PCDHGB4: variants seen among roughly 807,000 people sequenced by gnomAD.
PCDHGB4 encodes the protein protocadherin gamma subfamily B, 4.
In PCDHGB4, 38 loss-of-function variants were observed where a neutral mutation model predicts 60.5. The ratio of observed to expected loss-of-function variants is 0.63; its 90% confidence interval spans 0.48 to 0.82. PCDHGB4 has a LOEUF of 0.82. Among genes scored for constraint, PCDHGB4 ranks in the 40% least tolerant of loss-of-function variants. The probability of loss-of-function intolerance (pLI) is 0.00; values close to 1 mark genes in which losing one functional copy is unlikely to be tolerated. For missense variants in PCDHGB4, 1,109 were observed against 1,209.6 expected (o/e 0.92, Z 1.23); for synonymous variants, 456 against 509.7 (o/e 0.89, Z 1.42).
chr5:141,390,746 T>C (rs1391007986), intron 1 of PCDHGB4: 1 of 172,782 alleles, frequency 5.8e-6, no homozygotes, highest in African/African-American at 2.4e-5. Context: ...TCCATAGTAG[T>C]CCACTGTTTT....
In PCDHGB4 at chr5:141,476,040, G is replaced by A; in HGVS notation, c.2398-18767G>A. 2.0e-6 allele frequency: 3 copies of A among 1,488,704 alleles called. No individual in the cohort carries two copies. Among genetic ancestry groups the A allele is most frequent in the Admixed American group, 2.2e-5 (1 of 44,984 alleles). 92.2% of individuals were successfully genotyped at this position (1,488,704 alleles called of 1,614,324 possible). On this transcript the variant is annotated intron_variant, in intron 1 of 3. Coordinates refer to ENST00000519479, the MANE Select transcript of PCDHGB4 (RefSeq NM_003736.4). The surrounding 1 kb of genome is among the most constrained non-coding windows in gnomAD (Gnocchi z 7.6). The stretch of plus-strand genomic sequence containing the variant: ...CGGACTCGGCGCCCAGCGCCCAAGC[G>A]CTAACCCGCTGAAAGTTTCTCAGCG...
chr5:141,477,007 A>C lies in PCDHGB4; in HGVS notation c.2398-17800A>C, dbSNP rs891158982. The C allele has an allele frequency of 1.9e-6, 3 of 1,614,258 alleles. No individual in the cohort carries two copies. The Admixed American group carries it at 5.0e-5, about 27-fold the overall frequency. ...CCGGCGTGCGGCAACTATTCGCCTT[A>C]GACCTTGTAACCGGGATGCTGACAA... On this transcript the variant is annotated intron_variant, in intron 1 of 3. Coordinates refer to ENST00000519479, the MANE Select transcript of PCDHGB4 (RefSeq NM_003736.4). This position sits in a 1 kb window ranked among gnomAD's most constrained non-coding sequence, Gnocchi z 4.9.
chr5:141,419,524 T>C (rs1400473876), intron 1 of PCDHGB4: 4 of 1,612,164 alleles, frequency 2.5e-6, no homozygotes, highest in Non-Finnish European at 3.4e-6. Flanking sequence ...TGGGCGACCG[T>C]AACGACAACG....
chr5:141,421,861 C>T, intron 1 of PCDHGB4: 2 of 1,613,738 alleles, frequency 1.2e-6, no homozygotes, highest in South Asian at 2.2e-5. Flanking sequence ...TCACCTGCTC[C>T]TCCTCACAGC....
intron 1 of PCDHGB4, chr5:141,409,838 G>A: frequency 1.2e-6 from 2 of 1,611,532 alleles, no homozygotes; most frequent in Non-Finnish European, 1.7e-6. Context: ...CAGCGCCAAC[G>A]TGAGCCTGCG....
At chr5:141,392,921 A>T in intron 1 of PCDHGB4, 2 of 1,613,940 alleles carry the variant, frequency 1.2e-6, no homozygotes, top group Non-Finnish European at 1.7e-6. Flanking sequence ...ACTCTGTGCC[A>T]GAAGAGACGG....
At position 141,423,431 on chromosome 5, in the gene PCDHGB4, G is replaced by A. The variant is rs1220133197; in HGVS notation, c.2397+33150G>A. On this transcript the variant is annotated intron_variant, in intron 1 of 3. Coordinates refer to ENST00000519479, the MANE Select transcript of PCDHGB4 (RefSeq NM_003736.4). ...CAGGCTTCTGAAGGCGGGTTGGCAGGTATGCCCACGTCACATTTTGTAGGC... is the reference window on the plus strand; with the variant it reads ...CAGGCTTCTGAAGGCGGGTTGGCAGATATGCCCACGTCACATTTTGTAGGC... 3 of 1,613,892 alleles carry A rather than the reference G, an allele frequency of 1.9e-6. No homozygotes were observed. Among genetic ancestry groups the A allele is most frequent in the Admixed American group, 3.3e-5 (2 of 60,012 alleles).
Position 141,491,547 on chromosome 5 carries a change from G to C in PCDHGB4, c.2398-3260G>C. On this transcript the variant is annotated intron_variant, in intron 1 of 3. Coordinates refer to ENST00000519479, the MANE Select transcript of PCDHGB4 (RefSeq NM_003736.4). This position sits in a 1 kb window ranked among gnomAD's most constrained non-coding sequence, Gnocchi z 6.9. Reference sequence around the variant, plus strand: ...AGGTGACGCTGCGGCCCACAGACTCGCAGAGCCACTGCTACAGGACGTGCT... The same window carrying C: ...AGGTGACGCTGCGGCCCACAGACTCCCAGAGCCACTGCTACAGGACGTGCT... 6.2e-7 allele frequency: 1 copy of C among 1,613,974 alleles called. No individual in the cohort carries two copies. The highest frequency in any genetic ancestry group is 8.5e-7 in the Non-Finnish European group (1 of 1,180,022).
intron 1 of PCDHGB4, among the ~76,000 whole-genome samples, chr5:141,436,531 G>A (rs1365651055): frequency 2.6e-5 from 4 of 152,152 alleles, no homozygotes; most frequent in South Asian, 2.1e-4. Flanking sequence ...CCTTTAGCAA[G>A]TTATTTAATC....
rs2091638521 is a variant in PCDHGB4 at position 141,389,180 on chromosome 5, CA to C, written c.1297del (p.Ser433ValfsTer11). The C allele has an allele frequency of 3.7e-6, 6 of 1,614,034 alleles. No individual in the cohort carries two copies. The highest frequency in any genetic ancestry group is 5.1e-6 in the Non-Finnish European group (6 of 1,179,892). On this transcript the variant is annotated frameshift_variant, in exon 1 of 4. Coordinates refer to ENST00000519479, the MANE Select transcript of PCDHGB4 (RefSeq NM_003736.4). LOFTEE classifies it high-confidence loss of function. ...TDRGKPPLSS[S>X]SSITLHIGDV... ...ATCGGGGCAAGCCTCCCCTCTCCTC[CA>C]GTTCCAGCATCACCCTGCACATTGG...
At chr5:141,390,867 CGTGTGTGTGT>C (rs61319619) in intron 1 of PCDHGB4, 1 of 151,040 alleles carries the variant, frequency 6.6e-6, no homozygotes, top group African/African-American at 2.5e-5. Context: ...GCTGTGTGTG[CGTGTGTGTGT>C]GTGTGTGTGT....
At chr5:141,408,955 T>G in intron 1 of PCDHGB4, 1 of 1,613,616 alleles carries the variant, frequency 6.2e-7, no homozygotes, top group South Asian at 1.1e-5. Flanking sequence ...GAATTAGTCT[T>G]AGTGAAAATC....
chr5:141,413,850 C>G (rs2095685833), intron 1 of PCDHGB4: 3 of 1,613,244 alleles, frequency 1.9e-6, no homozygotes, highest in East Asian at 2.2e-5. Context: ...GTGACCCTCT[C>G]CGATCTGGCA....
At chr5:141,440,822 A>T (rs1561900737) in intron 1 of PCDHGB4, 2 of 152,058 alleles carry the variant, frequency 1.3e-5, no homozygotes, top group Non-Finnish European at 2.9e-5. Context: ...TCAACTCCTG[A>T]TCCTATTGGT....
chr5:141,487,802 C>G lies in PCDHGB4; in HGVS notation c.2398-7005C>G. On this transcript the variant is annotated intron_variant, in intron 1 of 3. Transcript: ENST00000519479. The surrounding 1 kb of genome is among the most constrained non-coding windows in gnomAD (Gnocchi z 5.0). ...TTTCGTGAATTAACCAGAGTTGTCACAGTTTAGCATTGGGGGCGGGTCATG... is the reference window on the plus strand; with the variant it reads ...TTTCGTGAATTAACCAGAGTTGTCAGAGTTTAGCATTGGGGGCGGGTCATG... 6.8e-7 allele frequency: 1 copy of G among 1,477,424 alleles called. No homozygotes were observed. The allele number at this position is 1,477,424 out of a possible 1,614,324, so 91.5% of individuals were successfully genotyped here.
chr5:141,390,591 T>G, intron 1 of PCDHGB4: 1 of 333,500 alleles, frequency 3.0e-6, no homozygotes, highest in Non-Finnish European at 5.4e-6. Flanking sequence ...TGAATGAGAT[T>G]TTTCCTATAC....
chr5:141,489,913 A>G lies in PCDHGB4; in HGVS notation c.2398-4894A>G. 1 of 1,614,208 alleles carries G rather than the reference A, an allele frequency of 6.2e-7. No homozygotes were observed. Among genetic ancestry groups the G allele is most frequent in the Non-Finnish European group, 8.5e-7 (1 of 1,180,044 alleles). Reference sequence around the variant, plus strand: ...TGGGGGGACCCCAGCCCGCTCAGGGACCACCCTTATCTCTGTCATCGTGCT... The same window carrying G: ...TGGGGGGACCCCAGCCCGCTCAGGGGCCACCCTTATCTCTGTCATCGTGCT... On this transcript the variant is annotated intron_variant, in intron 1 of 3. Transcript: ENST00000519479. The surrounding 1 kb of genome is among the most constrained non-coding windows in gnomAD (Gnocchi z 4.5).
At chr5:141,479,964 A>G (rs188553800) in intron 1 of PCDHGB4, among the ~76,000 whole-genome samples, 1 of 152,330 alleles carries the variant, frequency 6.6e-6, no homozygotes, top group East Asian at 1.9e-4. Context: ...AGTTAGTCAA[A>G]TGAGGTTCTA....
intron 2 of PCDHGB4, among the ~76,000 whole-genome samples, chr5:141,502,135 G>A (rs1254187943): frequency 6.6e-6 from 1 of 152,154 alleles, no homozygotes; most frequent in East Asian, 1.9e-4. Context: ...GAGCTCAGTC[G>A]GGCCGGAAGT....
Sources: allele counts gnomAD v4.1 joint callset (sites outside exome capture counted in the v4.1 genomes callset), GRCh38; gene constraint gnomAD v4.1.1; non-coding constraint Gnocchi (gnomAD v3.1); transcripts MANE v1.5; gene names NCBI Gene and HGNC (gene_info 2026-07-23, HGNC 2026-07-21).